The following TIMM22 variants were observed in gnomAD, a reference collection of about 807,000 sequenced individuals.
The protein encoded by TIMM22 is mitochondrial import inner membrane translocase subunit Tim22.
Under a neutral mutation model 18.3 loss-of-function variants are expected in TIMM22, and 12 were observed. The ratio of observed to expected loss-of-function variants is 0.65; its 90% confidence interval spans 0.42 to 1.06. The LOEUF is 1.06. Ranked by LOEUF, TIMM22 falls within the 50% of genes least tolerant of loss-of-function variation. The pLI is 0.00. For missense variants in TIMM22, 278 were observed against 252.8 expected (o/e 1.10, Z -0.68); for synonymous variants, 107 against 98.5 (o/e 1.09, Z -0.51).
rs1260722294 is a variant in TIMM22 at position 1,001,009 on chromosome 17, C to T, written c.509-3C>T. ...GGTCATGTTCTTTCTGTTTGTTTGA[C>T]AGCTGGCTTAAAGGCTGGGGCCATT... On this transcript the variant is annotated splice_region_variant and splice_polypyrimidine_tract_variant and intron_variant, in intron 3 of 3. Coordinates refer to ENST00000327158, the MANE Select transcript of TIMM22 (RefSeq NM_013337.4). The T allele has an allele frequency of 1.2e-6, 2 of 1,614,032 alleles. No homozygotes were observed. The highest frequency in any genetic ancestry group is 3.3e-5 in the Admixed American group (2 of 59,998).
At chr17:999,358 T>TACACATATATAC (rs1555524935) in intron 2 of TIMM22, among the ~76,000 whole-genome samples, 154 bp from the exon 3 acceptor site, 11 of 132,578 alleles carry the variant, frequency 8.3e-5, no homozygotes, top group African/African-American at 3.2e-4. Context: ...TATATATATA[T>TACACATATATAC]ACACGCTGTA....
At chr17:997,766 T>TC (rs1293598005) in intron 1 of TIMM22, among the ~76,000 whole-genome samples, 1 of 152,180 alleles carries the variant, frequency 6.6e-6, no homozygotes, top group Non-Finnish European at 1.5e-5. Flanking sequence ...TGAGCCGAGA[T>TC]GTGCCACTGC....
intron 2 of TIMM22, among the ~76,000 whole-genome samples, 154 bp from the exon 3 acceptor site, chr17:999,358 T>TATACAC (rs1408779709): frequency 2.3e-5 from 3 of 132,584 alleles, no homozygotes; most frequent in African/African-American, 9.6e-5. Flanking sequence ...TATATATATA[T>TATACAC]ACACGCTGTA....
At chr17:1,000,346 A>G (rs1338781227) in intron 3 of TIMM22, among the ~76,000 whole-genome samples, 3 of 146,116 alleles carry the variant, frequency 2.1e-5, no homozygotes, top group East Asian at 3.9e-4. Flanking sequence ...AAAAAAAAAA[A>G]GAAAACCAAT....
At position 1,001,814 on chromosome 17, in the gene TIMM22, G is replaced by C. The variant is rs2069753088; in HGVS notation, c.*726G>C. 6.6e-6 allele frequency: 1 copy of C among 152,166 alleles called. No individual in the cohort carries two copies. The highest frequency in any genetic ancestry group is 1.5e-5 in the Non-Finnish European group (1 of 68,028). The allele number at this position is 152,166 out of a possible 1,614,324, so 9.4% of individuals were successfully genotyped here. A position where few individuals can be genotyped will look rare whatever the true frequency, so the allele number is the denominator to read the frequency against. On this transcript the variant is annotated 3_prime_UTR_variant, in exon 4 of 4. Coordinates refer to ENST00000327158, the MANE Select transcript of TIMM22 (RefSeq NM_013337.4). ...CTCACCAAGCTCATTACATCTGCCA[G>C]GGCCTGCCTCAAGAAGCCCAGCCCA...
rs768758172 is a variant in TIMM22 at position 997,138 on chromosome 17, C to G, written c.-5C>G. On this transcript the variant is annotated 5_prime_UTR_variant, in exon 1 of 4. Transcript: ENST00000327158. ...GACGCGAGGGTTGCTTGGGCAGCGA[C>G]TGTCATGGCGGCGGCCGCCCCCAAT... 4 of 1,608,570 alleles carry G rather than the reference C, an allele frequency of 2.5e-6. No homozygotes were observed.
At position 1,000,990 on chromosome 17, in the gene TIMM22, GTTCT is replaced by G. The variant is rs779547792; in HGVS notation, c.509-17_509-14del. 365 of 1,613,774 alleles carry G rather than the reference GTTCT, an allele frequency of 2.3e-4. No individual in the cohort carries two copies. Among genetic ancestry groups the G allele is most frequent in the African/African-American group, 3.2e-4 (24 of 74,926 alleles). ...CCCAGCAGCTGTCACCACAGGTCAT[GTTCT>G]TTCTGTTTGTTTGACAGCTGGCTTA... On this transcript the variant is annotated intron_variant, in intron 3 of 3. Transcript: ENST00000327158.
rs2069693067 is a variant in TIMM22, at chr17:997,317, CAGA to C, written c.179_181del (p.Lys60del). ...CCCAAGTCCAGCCAAGAGTGAGGAG[CAGA>C]AGATGATCGAGAAGGCGATGGAAAG... On this transcript the variant is annotated inframe_deletion, in exon 1 of 4. Transcript: ENST00000327158. The C allele has an allele frequency of 3.1e-6, 5 of 1,613,772 alleles. No homozygotes were observed. Among genetic ancestry groups the C allele is most frequent in the African/African-American group, 1.3e-5 (1 of 74,928 alleles).
At position 1,001,927 on chromosome 17, in the gene TIMM22, C is replaced by T. The variant is rs1485084430; in HGVS notation, c.*839C>T. 1.3e-5 allele frequency: 2 copies of T among 152,122 alleles called. No individual in the cohort carries two copies. The highest frequency in any genetic ancestry group is 6.6e-5 in the Admixed American group (1 of 15,256). 9.4% of individuals were successfully genotyped at this position (152,122 alleles called of 1,614,324 possible). A position where few individuals can be genotyped will look rare whatever the true frequency, so the allele number is the denominator to read the frequency against. On this transcript the variant is annotated 3_prime_UTR_variant, in exon 4 of 4. Coordinates refer to ENST00000327158, the MANE Select transcript of TIMM22 (RefSeq NM_013337.4). ...CGAGAGGCACACACTGCCTTCACGACGTGACTGCTGGACCTGGCCGAGCTT... is the reference window on the plus strand; with the variant it reads ...CGAGAGGCACACACTGCCTTCACGATGTGACTGCTGGACCTGGCCGAGCTT...
Position 1,002,932 on chromosome 17 carries a change from G to A in TIMM22, c.*1844G>A, listed in dbSNP as rs1479697155. 1.3e-5 allele frequency: 2 copies of A among 152,066 alleles called. No individual in the cohort carries two copies. The highest frequency in any genetic ancestry group is 2.9e-5 in the Non-Finnish European group (2 of 68,022). The allele number at this position is 152,066 out of a possible 1,614,324, so 9.4% of individuals were successfully genotyped here. Reference sequence around the variant, plus strand: ...GAGAGATGAATAGTTTCCTGTTTTCGATGGCTGGGGAGCCAGTATGAGCTC... The same window carrying A: ...GAGAGATGAATAGTTTCCTGTTTTCAATGGCTGGGGAGCCAGTATGAGCTC... On this transcript the variant is annotated 3_prime_UTR_variant, in exon 4 of 4. Transcript: ENST00000327158.
chr17:1,003,317 T>A lies in TIMM22; in HGVS notation c.*2229T>A. The A allele has an allele frequency of 6.6e-6, 1 of 152,398 alleles. No individual in the cohort carries two copies. The highest frequency in any genetic ancestry group is 1.5e-5 in the Non-Finnish European group (1 of 68,046). 9.4% of individuals were successfully genotyped at this position (152,398 alleles called of 1,614,324 possible). On this transcript the variant is annotated 3_prime_UTR_variant, in exon 4 of 4. Transcript: ENST00000327158. ...CTGGATGCTGGCTGATCCGGAGGCC[T>A]TTGTGAAGAGCAAGGAGAGGGCTCC...
chr17:997,955 A>G (rs1486500696), intron 1 of TIMM22, among the ~76,000 whole-genome samples: 2 of 152,238 alleles, frequency 1.3e-5, no homozygotes, highest in Non-Finnish European at 2.9e-5. Context: ...CCTGGTCTTC[A>G]TGGGGCCTGT....
Position 997,968 on chromosome 17 carries a change from T to C in TIMM22, c.238+588T>C, listed in dbSNP as rs75760262. On this transcript the variant is annotated intron_variant, in intron 1 of 3. Coordinates refer to ENST00000327158, the MANE Select transcript of TIMM22 (RefSeq NM_013337.4). ...AGCCTGGTCTTCATGGGGCCTGTAT[T>C]ATACTATGTGGAGAAGAATGTTGAG... 3.0e-3 allele frequency among the ~76,000 whole-genome samples: 464 copies of C among 152,344 alleles called. 7 individuals carry two copies. In the South Asian group the frequency reaches 0.032, roughly 11 times the overall value.
intron 3 of TIMM22, among the ~76,000 whole-genome samples, chr17:999,907 T>A (rs2069726154): frequency 6.6e-6 from 1 of 151,746 alleles, no homozygotes; most frequent in Non-Finnish European, 1.5e-5. Flanking sequence ...AACAACTTTT[T>A]TTTTTTTAAA....
chr17:999,307 C>G (rs1398984228), intron 2 of TIMM22, among the ~76,000 whole-genome samples: 1 of 130,946 alleles, frequency 7.6e-6, no homozygotes, highest in Non-Finnish European at 1.6e-5. Context: ...CTGCAGGAAG[C>G]ATCTATGAAC....
Position 1,001,361 on chromosome 17 carries a change from T to C in TIMM22, c.*273T>C, listed in dbSNP as rs2069743321. 2 of 385,484 alleles carry C rather than the reference T, an allele frequency of 5.2e-6. No homozygotes were observed. The highest frequency in any genetic ancestry group is 2.1e-5 in the African/African-American group (1 of 48,084). 23.9% of individuals were successfully genotyped at this position (385,484 alleles called of 1,614,324 possible). ...GATCGGGAGACAGGATGTTGACATA[T>C]AGGAATTCAGCTCCACAAAGCTTCA... On this transcript the variant is annotated 3_prime_UTR_variant, in exon 4 of 4. Transcript: ENST00000327158.
intron 2 of TIMM22, 81 bp from the exon 3 acceptor site, chr17:999,431 A>T: frequency 1.4e-6 from 2 of 1,427,862 alleles, no homozygotes; most frequent in Non-Finnish European, 1.9e-6. Flanking sequence ...GAATGAGCTA[A>T]CGAGCAACCC....
At chr17:999,358 T>TATATATACACATATATAC (rs1408779709) in intron 2 of TIMM22, among the ~76,000 whole-genome samples, 154 bp from the exon 3 acceptor site, 1 of 132,588 alleles carries the variant, frequency 7.5e-6, no homozygotes, top group African/African-American at 3.2e-5. Flanking sequence ...TATATATATA[T>TATATATACACATATATAC]ACACGCTGTA....
At chr17:999,922 C>G (rs2069726488) in intron 3 of TIMM22, among the ~76,000 whole-genome samples, 1 of 151,534 alleles carries the variant, frequency 6.6e-6, no homozygotes, top group South Asian at 2.1e-4. Flanking sequence ...TTTAAAGAGA[C>G]CGAATCTCAC....
Sources: gnomAD v4.1 joint callset for allele counts (sites outside exome capture counted in the v4.1 genomes callset) on GRCh38, gnomAD v4.1.1 for gene constraint, MANE v1.5 for transcripts, NCBI Gene and HGNC (gene_info 2026-07-23, HGNC 2026-07-21) for gene names.